Variants in TRAPPC8 observed in about 807,000 individuals in gnomAD.
TRAPPC8 encodes the protein general sporulation gene 1 homolog.
In TRAPPC8, 54 loss-of-function variants were observed where a neutral mutation model predicts 174.3. The ratio of observed to expected loss-of-function variants is 0.31; its 90% CI spans 0.25 to 0.39. The LOEUF is 0.39. Among genes scored for constraint, TRAPPC8 ranks in the 10% least tolerant of loss-of-function variants. The pLI is 1.00. For synonymous variants in TRAPPC8, 630 were observed against 579.9 expected, an observed-to-expected ratio of 1.09 and a Z score of -1.24; for missense variants, 1,531 against 1,699.1, an observed-to-expected ratio of 0.90 and a Z score of 1.74.
intron 1 of TRAPPC8, among the ~76,000 whole-genome samples, chr18:31,935,212 C>T (rs970718056): frequency 1.3e-4 from 19 of 151,684 alleles, no homozygotes; most frequent in South Asian, 8.3e-4. Flanking sequence ...GGCGTGGTGG[C>T]GCATGCCTGT....
intron 26 of TRAPPC8, among the ~76,000 whole-genome samples, chr18:31,843,158 T>G (rs1328119637): frequency 6.6e-6 from 1 of 152,172 alleles, no homozygotes; most frequent in South Asian, 2.1e-4. Context: ...TGCAACACAA[T>G]CAATTTAGCA....
intron 22 of TRAPPC8, among the ~76,000 whole-genome samples, chr18:31,853,360 C>T (rs3925536): frequency 0.25 from 38,257 of 152,102 alleles, 5,379 homozygotes; most frequent in South Asian, 0.52. Flanking sequence ...CTCTGCCTCC[C>T]GGGTTCAGGC....
chr18:31,895,438 T>A (rs1391320844), intron 11 of TRAPPC8, among the ~76,000 whole-genome samples: 2 of 152,090 alleles, frequency 1.3e-5, no homozygotes, highest in African/African-American at 4.8e-5. Context: ...CCCCACCACA[T>A]GGCAGCAAAT....
intron 26 of TRAPPC8, among the ~76,000 whole-genome samples, chr18:31,844,138 A>G (rs1355916970): frequency 6.6e-6 from 1 of 152,190 alleles, no homozygotes; most frequent in Non-Finnish European, 1.5e-5. Flanking sequence ...CTTTTATTGG[A>G]GAACAGTCAG....
At position 31,830,870 on chromosome 18, in the gene TRAPPC8, C is replaced by T. The variant is rs758459977; in HGVS notation, c.4193G>A (p.Gly1398Asp). 6.2e-7 allele frequency: 1 copy of T among 1,614,196 alleles called. No homozygotes were observed. The highest frequency in any genetic ancestry group is 8.5e-7 in the Non-Finnish European group (1 of 1,180,030). ...LQLKACFVHT[G>D]VYNLGTPRVF... ...CCTAGGAGTTCCAAGGTTATAAACACCTGTATGAACAAAGCATGCTTTCAG... is the reference window on the plus strand; with the variant it reads ...CCTAGGAGTTCCAAGGTTATAAACATCTGTATGAACAAAGCATGCTTTCAG... The change falls in exon 29 of 29, where the codon GGT becomes GAT. Residue 1398 changes from glycine to aspartate, a missense_variant. Transcript: ENST00000283351.
intron 1 of TRAPPC8, among the ~76,000 whole-genome samples, chr18:31,931,789 T>C (rs1275804879): frequency 2.0e-5 from 3 of 152,216 alleles, no homozygotes; most frequent in African/African-American, 4.8e-5. Flanking sequence ...TTCCTATGTT[T>C]GGAGTTGCCA....
chr18:31,927,049 C>A (rs1410663851), intron 2 of TRAPPC8, among the ~76,000 whole-genome samples: 1 of 152,130 alleles, frequency 6.6e-6, no homozygotes, highest in Non-Finnish European at 1.5e-5. Context: ...GTACAGATCA[C>A]TGTTGTTTTT....
At chr18:31,852,375 C>T (rs1037727463) in intron 24 of TRAPPC8, 71 bp downstream of exon 24, 4 of 1,569,804 alleles carry the variant, frequency 2.5e-6, no homozygotes, top group East Asian at 4.5e-5. Context: ...CTGCGATAAG[C>T]CTTGCCAAAA....
At chr18:31,867,821 G>A (rs1470423345) in intron 16 of TRAPPC8, among the ~76,000 whole-genome samples, 2 of 152,104 alleles carry the variant, frequency 1.3e-5, no homozygotes, top group African/African-American at 4.8e-5. Flanking sequence ...GGAGGTTGCA[G>A]TGAGTCAAGA....
chr18:31,911,384 G>A (rs1269359733), intron 5 of TRAPPC8, among the ~76,000 whole-genome samples: 1 of 151,674 alleles, frequency 6.6e-6, no homozygotes, highest in Non-Finnish European at 1.5e-5. Context: ...CCAGGAGGTG[G>A]AGGTTGCAGT....
At chr18:31,858,058 CTT>C (rs34631623) in intron 19 of TRAPPC8, 76 bp from the exon 20 acceptor site, 10,625 of 952,278 alleles carry the variant, frequency 0.011, no homozygotes, top group Non-Finnish European at 0.012. Flanking sequence ...CTTTAAGACA[CTT>C]TTTTTTTTTT....
intron 10 of TRAPPC8, among the ~76,000 whole-genome samples, chr18:31,899,984 T>C (rs1282394159): frequency 2.0e-5 from 3 of 151,794 alleles, no homozygotes; most frequent in Non-Finnish European, 2.9e-5. Flanking sequence ...ATGCCTGTAA[T>C]ACCAGCACTT....
At chr18:31,918,227 GTATA>G (rs142877371) in intron 2 of TRAPPC8, among the ~76,000 whole-genome samples, 4,556 of 152,070 alleles carry the variant, frequency 0.03, 242 homozygotes, top group African/African-American at 0.1. Flanking sequence ...ATATTCATGA[GTATA>G]TATATTTGCA....
chr18:31,924,700 T>C (rs2037537652), intron 2 of TRAPPC8, among the ~76,000 whole-genome samples: 1 of 134,358 alleles, frequency 7.4e-6, no homozygotes, highest in Admixed American at 8.8e-5. Context: ...ATCGCACCAC[T>C]GCACTCCAGC....
chr18:31,890,350 G>A (rs1207067979), intron 12 of TRAPPC8, among the ~76,000 whole-genome samples: 1 of 152,148 alleles, frequency 6.6e-6, no homozygotes, highest in Non-Finnish European at 1.5e-5. Flanking sequence ...GAAACAGAAA[G>A]AGCAGGATTT....
chr18:31,911,859 G>A (rs1212043430), intron 5 of TRAPPC8, among the ~76,000 whole-genome samples: 24 of 138,316 alleles, frequency 1.7e-4, no homozygotes, highest in Admixed American at 3.7e-4. Flanking sequence ...GCGACAGAGC[G>A]AGATCCTGTC....
At chr18:31,849,521 A>G (rs191738652) in intron 25 of TRAPPC8, 45 bp downstream of exon 25, 23 of 1,459,846 alleles carry the variant, frequency 1.6e-5, no homozygotes, top group Middle Eastern at 1.9e-4. Flanking sequence ...TTAAGACTCG[A>G]GTATCTATAA....
chr18:31,837,301 A>T (rs1199978754), intron 27 of TRAPPC8, among the ~76,000 whole-genome samples: 1 of 146,548 alleles, frequency 6.8e-6, no homozygotes, highest in African/African-American at 2.6e-5. Context: ...AATTAGTAAA[A>T]CCACTTTGGA....
chr18:31,904,828 G>A (rs557260267), intron 9 of TRAPPC8, among the ~76,000 whole-genome samples: 1 of 152,242 alleles, frequency 6.6e-6, no homozygotes, highest in African/African-American at 2.4e-5. Context: ...TCAGGAGCTC[G>A]AGATCAGCCT....
Sources: gnomAD v4.1 joint callset for allele counts (sites outside exome capture counted in the v4.1 genomes callset) on GRCh38, gnomAD v4.1.1 for gene constraint, MANE v1.5 for transcripts, NCBI Gene and HGNC (gene_info 2026-07-23, HGNC 2026-07-21) for gene names.